The following GNAS variants were observed in gnomAD, a reference collection of about 807,000 sequenced individuals.
The protein encoded by GNAS is protein ALEX.
In GNAS, 8 loss-of-function variants were observed where a neutral mutation model predicts 54.5. The observed-to-expected ratio is 0.15, with a 90% CI of 0.09 to 0.26. The LOEUF is 0.26. Ranked by LOEUF, GNAS falls within the 10% of genes least tolerant of loss-of-function variation. The probability of loss-of-function intolerance (pLI) is 1.00; values close to 1 mark genes in which losing one functional copy is unlikely to be tolerated. For synonymous variants in GNAS, 204 were observed against 191.4 expected, an observed-to-expected ratio of 1.07 and a Z score of -0.54; for missense variants, 170 against 529.8, an observed-to-expected ratio of 0.32 and a Z score of 6.67.
intron 3 of GNAS, 31 bp downstream of exon 3, chr20:58,899,016 TAAC>T (rs757110566): frequency 7.0e-6 from 11 of 1,564,030 alleles, no homozygotes; most frequent in South Asian, 2.2e-5. Context: ...AAAAAATTGT[TAAC>T]AAACCAAACA....
chr20:58,864,764 G>A (rs1218424757), intron 1 of GNAS, among the ~76,000 whole-genome samples: 6 of 152,144 alleles, frequency 3.9e-5, no homozygotes, highest in African/African-American at 4.8e-5. Context: ...TTACTTTTAC[G>A]CTGTGACTTC....
Position 58,873,849 on chromosome 20 carries a change from C to T in GNAS, c.44-21763C>T, listed in dbSNP as rs995354038. ...ACAAGAGTGGGCAGTCTCTGCTAAGCGATTACACAGGGAATAAATAAGGAA... is the reference window on the plus strand; with the variant it reads ...ACAAGAGTGGGCAGTCTCTGCTAAGTGATTACACAGGGAATAAATAAGGAA... On this transcript the variant is annotated intron_variant, in intron 1 of 12. Coordinates refer to the GNAS transcript ENST00000306090. This position sits in a 1 kb window ranked among gnomAD's most constrained non-coding sequence, Gnocchi z 4.3. Among the ~76,000 whole-genome samples, 8 of 152,078 alleles carry T rather than the reference C, an allele frequency of 5.3e-5. No individual in the cohort carries two copies. The highest frequency in any genetic ancestry group is 2.1e-4 in the South Asian group (1 of 4,826).
At position 58,853,245 on chromosome 20, in the gene GNAS, T is replaced by C. The variant is rs113503161; in HGVS notation, c.43+12359T>C. On this transcript the variant is annotated intron_variant, in intron 1 of 12. Transcript: ENST00000306090. The surrounding 1 kb of genome is among the most constrained non-coding windows in gnomAD (Gnocchi z 4.4). ...CATCTTACGGAGCCCCAAACTTATT[T>C]TGAGAGGCCGCCACCGTGTTATGGG... 1,625 of 1,522,588 alleles carry C rather than the reference T, an allele frequency of 1.1e-3. 14 individuals carry two copies. The African/African-American group carries it at 0.019, about 18-fold the overall frequency. The allele number at this position is 1,522,588 out of a possible 1,614,324, so 94.3% of individuals were successfully genotyped here. A position where few individuals can be genotyped will look rare whatever the true frequency, so the allele number is the denominator to read the frequency against.
upstream of GNAS, chr20:58,840,356 T>A (rs747330417): frequency 6.2e-7 from 1 of 1,613,170 alleles, no homozygotes; most frequent in Non-Finnish European, 8.5e-7. This position sits in a 1 kb window ranked among gnomAD's most constrained non-coding sequence, Gnocchi z 6.0. Context: ...CGAATCGGAA[T>A]CTGACCACGA....
intron 1 of GNAS, among the ~76,000 whole-genome samples, chr20:58,877,840 G>A (rs898497488): frequency 2.0e-5 from 3 of 152,198 alleles, no homozygotes; most frequent in Admixed American, 2.0e-4. Context: ...ATGCCCAAAA[G>A]TGGCCTGAGA....
chr20:58,897,795 ATC>A (rs928192908), intron 2 of GNAS: 2 of 152,180 alleles, frequency 1.3e-5, no homozygotes, highest in Non-Finnish European at 2.9e-5. Flanking sequence ...CCTTATTTTT[ATC>A]TCATCCAACT....
intron 1 of GNAS, among the ~76,000 whole-genome samples, chr20:58,868,844 G>A (rs565543244): frequency 2.0e-5 from 3 of 152,284 alleles, no homozygotes; most frequent in African/African-American, 7.2e-5. Context: ...TCAGGGCTGG[G>A]AAGTGGAAAC....
In GNAS at chr20:58,866,881, C is replaced by T. The variant is rs139291840; in HGVS notation, c.43+25995C>T. On this transcript the variant is annotated intron_variant, in intron 1 of 12. Coordinates refer to the GNAS transcript ENST00000306090. The stretch of plus-strand genomic sequence containing the variant: ...GATAGACAATGACCACTCTCCACTC[C>T]AGACATGCAGGTGTATTTCAACACT... Among the ~76,000 whole-genome samples the T allele has an allele frequency of 4.4e-3, 671 of 152,188 alleles. 2 individuals carry two copies. Among genetic ancestry groups the T allele is most frequent in the Non-Finnish European group, 7.8e-3 (530 of 68,002 alleles).
chr20:58,909,195 T>C lies in GNAS; in HGVS notation c.564T>C (p.Ala188=), dbSNP rs1464284074. The C allele has an allele frequency of 8.1e-6, 13 of 1,614,174 alleles. No individual in the cohort carries two copies. The highest frequency in any genetic ancestry group is 1.0e-5 in the Non-Finnish European group (12 of 1,179,982). The change falls in exon 7 of 13, where the codon GCT becomes GCC. Residue 188 remains alanine (A), a synonymous_variant. Transcript: ENST00000371085. The surrounding 1 kb of genome is among the most constrained non-coding windows in gnomAD (Gnocchi z 7.3). The part of the protein sequence containing the change: ...FLDKIDVIKQ[A]DYVPSDQDLL... ...ACAAGATCGACGTGATCAAGCAGGC[T>C]GACTATGTGCCGAGCGATCAGGTGT...
intron 1 of GNAS, among the ~76,000 whole-genome samples, chr20:58,874,366 T>A (rs1246515191): frequency 3.3e-5 from 5 of 152,240 alleles, no homozygotes. Flanking sequence ...CCAGGATCTT[T>A]CAAGACTAAA....
upstream of GNAS, chr20:58,889,129 TG>T: frequency 4.2e-6 from 5 of 1,194,124 alleles, no homozygotes; most frequent in East Asian, 8.9e-5. Context: ...CTGAAGAGGC[TG>T]GGGCGTCATC....
At chr20:58,906,058 T>G (rs1434984911) in intron 6 of GNAS, among the ~76,000 whole-genome samples, 1 of 152,210 alleles carries the variant, frequency 6.6e-6, no homozygotes, top group Admixed American at 6.5e-5. Flanking sequence ...TTATTCCTTC[T>G]CACCGGGTCT....
chr20:58,905,949 C>T (rs2091014588), intron 6 of GNAS, among the ~76,000 whole-genome samples: 1 of 152,142 alleles, frequency 6.6e-6, no homozygotes, highest in East Asian at 1.9e-4. Flanking sequence ...CTCAGGTAAG[C>T]GACTCTAGTA....
upstream of GNAS, among the ~76,000 whole-genome samples, chr20:58,890,999 G>A (rs970135670): frequency 3.3e-5 from 5 of 151,296 alleles, no homozygotes; most frequent in African/African-American, 9.7e-5. Context: ...GCGGGAGGGG[G>A]AGGAGGCCTC....
chr20:58,902,519 G>A lies in GNAS; in HGVS notation c.258-1012G>A, dbSNP rs62205365. ...AAGACCACGCAGGCCATCCCATGTG[G>A]CTGAGTTAAACTCAAGGAAAAGCTA... On this transcript the variant is annotated intron_variant, in intron 3 of 12. Coordinates refer to ENST00000371085, the MANE Select transcript of GNAS (RefSeq NM_000516.7). 5.9e-3 allele frequency among the ~76,000 whole-genome samples: 890 copies of A among 152,112 alleles called. 5 individuals carry two copies. Among genetic ancestry groups the A allele is most frequent in the Non-Finnish European group, 9.8e-3 (668 of 68,000 alleles).
intron 1 of GNAS, chr20:58,842,500 G>A: frequency 2.5e-6 from 1 of 398,636 alleles, no homozygotes; most frequent in Admixed American, 4.4e-5. Flanking sequence ...ACTTAGTTCT[G>A]CCGGGCTGCA....
intron 1 of GNAS, among the ~76,000 whole-genome samples, chr20:58,850,152 C>T (rs546265934): frequency 2.0e-5 from 3 of 152,262 alleles, no homozygotes; most frequent in South Asian, 4.1e-4. Flanking sequence ...CTATTCATAG[C>T]CAAGGCGTCT....
At chr20:58,890,204 G>C (rs1450790752), upstream of GNAS, among the ~76,000 whole-genome samples, 1 of 151,490 alleles carries the variant, frequency 6.6e-6, no homozygotes, top group African/African-American at 2.4e-5. Flanking sequence ...TGCTGAAGAA[G>C]AAGAAGAAGA....
chr20:58,851,149 T>C (rs958497841), intron 1 of GNAS, among the ~76,000 whole-genome samples: 1 of 152,176 alleles, frequency 6.6e-6, no homozygotes, highest in Non-Finnish European at 1.5e-5. Flanking sequence ...TGTAGACCCA[T>C]AGAGCTAAAG....
Sources: gnomAD v4.1 joint callset for allele counts (sites outside exome capture counted in the v4.1 genomes callset) on GRCh38, gnomAD v4.1.1 for gene constraint, Gnocchi (gnomAD v3.1) non-coding constraint, MANE v1.5 for transcripts, NCBI Gene and HGNC (gene_info 2026-07-23, HGNC 2026-07-21) for gene names.